DLG2: variants seen among roughly 807,000 people sequenced by gnomAD.
DLG2 encodes disks large homolog 2.
A neutral mutation model predicts 132.5 loss-of-function variants in DLG2; 45 were observed. That is an observed-to-expected ratio of 0.34 (90% confidence interval 0.27 to 0.44). The LOEUF (loss-of-function observed/expected upper bound fraction) is 0.44. DLG2 is among the 20% of genes least tolerant of loss of function. The probability of loss-of-function intolerance (pLI) is 1.00; values close to 1 mark genes in which losing one functional copy is unlikely to be tolerated. For synonymous variants in DLG2, 424 were observed against 419.6 expected, an observed-to-expected ratio of 1.01 and a Z score of -0.13; for missense variants, 1,045 against 1,196.9, an observed-to-expected ratio of 0.87 and a Z score of 1.87.
At chr11:84,875,009 T>C (rs1288502378) in intron 6 of DLG2, among the ~76,000 whole-genome samples, 1 of 129,618 alleles carries the variant, frequency 7.7e-6, no homozygotes, top group African/African-American at 3.0e-5. Context: ...AACAGACCAA[T>C]ACTTCATCTC....
At chr11:84,922,925 G>C (rs2092825667) in intron 6 of DLG2, 11 of 894,548 alleles carry the variant, frequency 1.2e-5, no homozygotes, top group East Asian at 1.1e-4. Context: ...GAGGCTGCAC[G>C]GCAACAATAA....
intron 6 of DLG2, among the ~76,000 whole-genome samples, chr11:85,044,097 TTTGCC>T (rs2097780441): frequency 6.6e-6 from 1 of 151,996 alleles, no homozygotes; most frequent in African/African-American, 2.4e-5. Flanking sequence ...ATGCTGTTAC[TTTGCC>T]CCATTCATCT....
chr11:83,997,604 G>A (rs917627220), intron 11 of DLG2, among the ~76,000 whole-genome samples: 1 of 150,082 alleles, frequency 6.7e-6, no homozygotes, highest in African/African-American at 2.4e-5. Flanking sequence ...GGTGGTGCAT[G>A]CCTGTAGTCC....
chr11:85,305,365 T>C (rs1359170597), intron 3 of DLG2, among the ~76,000 whole-genome samples: 1 of 152,220 alleles, frequency 6.6e-6, no homozygotes, highest in Non-Finnish European at 1.5e-5. Context: ...TACCATAGCC[T>C]GTGACATTTG....
intron 7 of DLG2, among the ~76,000 whole-genome samples, chr11:84,395,030 A>G (rs1175268872): frequency 1.3e-5 from 2 of 151,870 alleles, no homozygotes; most frequent in Non-Finnish European, 2.9e-5. Flanking sequence ...CACTTCTCAT[A>G]TTTCCCATCT....
chr11:84,841,641 AT>A (rs1368691292), intron 6 of DLG2, among the ~76,000 whole-genome samples: 1 of 152,018 alleles, frequency 6.6e-6, no homozygotes, highest in African/African-American at 2.4e-5. Flanking sequence ...TTTTGAACAG[AT>A]TAAAATTTTC....
chr11:84,560,404 G>A (rs778609048), intron 6 of DLG2, among the ~76,000 whole-genome samples: 1 of 152,078 alleles, frequency 6.6e-6, no homozygotes. Context: ...CAGCTGAAAG[G>A]CAACAGAACT....
At position 84,525,059 on chromosome 11, in the gene DLG2, G is replaced by A. The variant is rs1489465407; in HGVS notation, c.519+9511C>T. Among the ~76,000 whole-genome samples, 5 of 151,940 alleles carry A rather than the reference G, an allele frequency of 3.3e-5. 1 individual carries two copies. The highest frequency in any genetic ancestry group is 2.0e-4 in the Admixed American group (3 of 15,262). ...TGTGGTAAATTTCTCACTGCTTCATGTTATCCTCGGTAGGTACCTCTCTCT... is the reference window on the plus strand; with the variant it reads ...TGTGGTAAATTTCTCACTGCTTCATATTATCCTCGGTAGGTACCTCTCTCT... On this transcript the variant is annotated intron_variant, in intron 7 of 27. Transcript: ENST00000376104.
At chr11:84,543,016 A>G (rs771664945) in intron 6 of DLG2, among the ~76,000 whole-genome samples, 3 of 152,114 alleles carry the variant, frequency 2.0e-5, no homozygotes, top group African/African-American at 2.4e-5. Flanking sequence ...TCACTTTTAT[A>G]TACCTACTGC....
chr11:83,795,331 A>G (rs958681607), intron 17 of DLG2, among the ~76,000 whole-genome samples: 2 of 151,948 alleles, frequency 1.3e-5, no homozygotes, highest in Non-Finnish European at 1.5e-5. Flanking sequence ...TGGCGTGAAC[A>G]TGGGAGGCAG....
rs927197576 is a variant in DLG2, at chr11:84,039,907, C to G, written c.919+19408G>C. Among the ~76,000 whole-genome samples the G allele has an allele frequency of 2.5e-3, 369 of 147,080 alleles. 1 individual carries two copies. The highest frequency in any genetic ancestry group is 8.0e-3 in the African/African-American group (325 of 40,472). On this transcript the variant is annotated intron_variant, in intron 11 of 27. Coordinates refer to ENST00000376104, the MANE Select transcript of DLG2 (RefSeq NM_001142699.3). ...TTGTTTCCTGACTTTTTAATGATTG[C>G]CATTCTAACTGGTGTGAGATGGTAT...
chr11:84,075,966 G>C (rs2096825113), intron 10 of DLG2, among the ~76,000 whole-genome samples: 1 of 152,146 alleles, frequency 6.6e-6, no homozygotes, highest in Non-Finnish European at 1.5e-5. Flanking sequence ...CTCATTTGTG[G>C]AGGCAAAACT....
At chr11:83,620,421 G>C (rs1181699001) in intron 19 of DLG2, among the ~76,000 whole-genome samples, 1 of 152,062 alleles carries the variant, frequency 6.6e-6, no homozygotes, top group Admixed American at 6.6e-5. Flanking sequence ...GATGATGAAA[G>C]ATTCCTTTTT....
intron 6 of DLG2, among the ~76,000 whole-genome samples, chr11:84,894,296 T>A (rs901852121): frequency 1.3e-4 from 20 of 152,176 alleles, no homozygotes; most frequent in African/African-American, 4.8e-4. Context: ...AGAAATCTTA[T>A]CTTGCCTTTC....
intron 3 of DLG2, among the ~76,000 whole-genome samples, chr11:85,461,829 G>A (rs1002302089): frequency 2.6e-5 from 4 of 152,222 alleles, no homozygotes; most frequent in East Asian, 1.9e-4. Context: ...AAGAACTTGT[G>A]CACGGCAAAA....
chr11:84,707,314 A>C (rs117171334), intron 6 of DLG2, among the ~76,000 whole-genome samples: 1 of 151,760 alleles, frequency 6.6e-6, no homozygotes, highest in Admixed American at 6.6e-5. Flanking sequence ...TTTTTCATTC[A>C]GATATATTTG....
At chr11:85,290,259 G>A (rs2078810660) in intron 3 of DLG2, among the ~76,000 whole-genome samples, 1 of 152,018 alleles carries the variant, frequency 6.6e-6, no homozygotes, top group African/African-American at 2.4e-5. Context: ...TTGAAGACGT[G>A]TCCATTTTGA....
intron 6 of DLG2, among the ~76,000 whole-genome samples, chr11:84,686,231 T>C (rs2099738036): frequency 6.6e-6 from 1 of 152,170 alleles, no homozygotes; most frequent in Non-Finnish European, 1.5e-5. Context: ...GAGAGTGCAG[T>C]TCTCCATAAG....
chr11:84,475,052 T>C (rs893937045), intron 7 of DLG2, among the ~76,000 whole-genome samples: 10 of 152,150 alleles, frequency 6.6e-5, no homozygotes, highest in African/African-American at 2.4e-4. Flanking sequence ...GCTATGACCA[T>C]AAAATCTGCT....
Sources: gnomAD v4.1 joint callset for allele counts (sites outside exome capture counted in the v4.1 genomes callset) on GRCh38, gnomAD v4.1.1 for gene constraint, MANE v1.5 for transcripts, NCBI Gene and HGNC (gene_info 2026-07-23, HGNC 2026-07-21) for gene names.